Variants in B4GALT6 observed in about 807,000 individuals in gnomAD.
The protein encoded by B4GALT6 is beta-1,4-galactosyltransferase 6.
In B4GALT6, 14 loss-of-function variants were observed where a neutral mutation model predicts 46.3. The observed-to-expected ratio is 0.30, with a 90% CI of 0.20 to 0.47. B4GALT6 has a LOEUF of 0.47. B4GALT6 is among the 20% of genes least tolerant of loss of function. The probability of loss-of-function intolerance (pLI) is 0.99; values close to 1 mark genes in which losing one functional copy is unlikely to be tolerated. For synonymous variants in B4GALT6, 168 were observed against 162.0 expected, an observed-to-expected ratio of 1.04 and a Z score of -0.28; for missense variants, 386 against 480.1, an observed-to-expected ratio of 0.80 and a Z score of 1.83.
At position 31,638,715 on chromosome 18, in the gene B4GALT6, T is replaced by C. The variant is rs368163743; in HGVS notation, c.517A>G (p.Ile173Val). 84 of 1,613,772 alleles carry C rather than the reference T, an allele frequency of 5.2e-5. 1 individual carries two copies. Among genetic ancestry groups the C allele is most frequent in the South Asian group, 3.8e-4 (35 of 91,078 alleles). The change falls in exon 5 of 9, where the codon ATT becomes GTT. Residue 173 changes from isoleucine (I) to valine (V), a missense_variant. Transcript: ENST00000306851. The part of the protein sequence containing the change: ...PFRNRHEHLP[I>V]FFLHLIPMLQ... ...ATTGGAATCAGATGTAAGAAAAAAA[T>C]TGGAAGATGTTCATGGCGATTACGG... is the stretch of plus-strand genomic sequence containing the variant.
chr18:31,692,724 A>C, the B4GALT6 span, among the ~76,000 whole-genome samples: 2 of 152,232 alleles, frequency 1.3e-5, no homozygotes, highest in African/African-American at 4.8e-5. Flanking sequence ...GGTAAAAGTA[A>C]GGGAAAGAAA....
At chr18:31,693,925 G>C in the B4GALT6 span, among the ~76,000 whole-genome samples, 1 of 152,142 alleles carries the variant, frequency 6.6e-6, no homozygotes, top group African/African-American at 2.4e-5. Context: ...CCATGATCAT[G>C]CCACTCCAGC....
intron 6 of B4GALT6, among the ~76,000 whole-genome samples, chr18:31,630,040 AAGGAAG>A (rs936620443): frequency 7.6e-5 from 10 of 131,222 alleles, no homozygotes; most frequent in Admixed American, 5.5e-4. Flanking sequence ...GGAAGGAAGG[AAGGAAG>A]AGGAAGAAGG....
intron 5 of B4GALT6, among the ~76,000 whole-genome samples, chr18:31,637,525 T>C (rs969616523): frequency 6.6e-6 from 1 of 151,694 alleles, no homozygotes; most frequent in Admixed American, 6.6e-5. Context: ...AATGAAAAAC[T>C]GAAAACAGGA....
chr18:31,723,639 G>A, the B4GALT6 span, among the ~76,000 whole-genome samples: 2 of 152,168 alleles, frequency 1.3e-5, no homozygotes, highest in African/African-American at 2.4e-5. Context: ...TGGAGTCCTC[G>A]TTTATTCCCC....
intron 4 of B4GALT6, among the ~76,000 whole-genome samples, chr18:31,643,844 G>T (rs2073958926): frequency 6.6e-6 from 1 of 152,128 alleles, no homozygotes; most frequent in African/African-American, 2.4e-5. Flanking sequence ...GCACACCTGA[G>T]GGGTGTGCTA....
intron 3 of B4GALT6, among the ~76,000 whole-genome samples, chr18:31,652,571 T>C (rs1295565300): frequency 6.6e-6 from 1 of 152,292 alleles, no homozygotes; most frequent in East Asian, 1.9e-4. Context: ...CCGGATCTCT[T>C]ACTAAAGGCA....
intron 3 of B4GALT6, among the ~76,000 whole-genome samples, chr18:31,649,857 C>T (rs544714677): frequency 6.6e-6 from 1 of 152,266 alleles, no homozygotes; most frequent in South Asian, 2.1e-4. Context: ...GGAGATTTCT[C>T]AAAAAACATA....
intron 1 of B4GALT6, among the ~76,000 whole-genome samples, chr18:31,667,309 GA>G (rs1437237038): frequency 6.6e-6 from 1 of 152,164 alleles, no homozygotes. Context: ...ACTCCATTCA[GA>G]TGAGAGGCAG....
chr18:31,650,892 G>A (rs914525890), intron 3 of B4GALT6, among the ~76,000 whole-genome samples: 4 of 152,000 alleles, frequency 2.6e-5, no homozygotes, highest in Non-Finnish European at 5.9e-5. Context: ...CCTCACCCCC[G>A]AGTAGCTGGG....
intron 3 of B4GALT6, among the ~76,000 whole-genome samples, chr18:31,653,142 C>G (rs549946496): frequency 6.6e-6 from 1 of 151,950 alleles, no homozygotes; most frequent in Non-Finnish European, 1.5e-5. Context: ...CTCTGAAGCT[C>G]ACCTCATGGA....
intron 4 of B4GALT6, among the ~76,000 whole-genome samples, chr18:31,642,498 G>A (rs1423406599): frequency 1.3e-5 from 2 of 152,174 alleles, no homozygotes; most frequent in Non-Finnish European, 2.9e-5. Context: ...GGAAGTTATA[G>A]ACCAAAGTTG....
At chr18:31,720,808 C>T in the B4GALT6 span, among the ~76,000 whole-genome samples, 1 of 152,166 alleles carries the variant, frequency 6.6e-6, no homozygotes, top group African/African-American at 2.4e-5. Context: ...AGAAAGAGAC[C>T]CTTCAAAGAT....
At chr18:31,711,166 G>A in the B4GALT6 span, among the ~76,000 whole-genome samples, 5 of 152,156 alleles carry the variant, frequency 3.3e-5, no homozygotes, top group African/African-American at 4.8e-5. Flanking sequence ...GGCATGTCAC[G>A]AGCAGTGGTT....
At chr18:31,667,832 G>A (rs572335895) in intron 1 of B4GALT6, among the ~76,000 whole-genome samples, 2 of 152,258 alleles carry the variant, frequency 1.3e-5, no homozygotes, top group South Asian at 2.1e-4. Flanking sequence ...TTAAAAGAAT[G>A]AAGACTCACG....
chr18:31,714,469 T>A, the B4GALT6 span, among the ~76,000 whole-genome samples: 1 of 152,186 alleles, frequency 6.6e-6, no homozygotes, highest in African/African-American at 2.4e-5. Flanking sequence ...CAGGTGGGGA[T>A]GCACAGATGG....
the B4GALT6 span, among the ~76,000 whole-genome samples, chr18:31,697,607 T>C: frequency 6.6e-6 from 1 of 152,202 alleles, no homozygotes; most frequent in Non-Finnish European, 1.5e-5. Flanking sequence ...ATCCTTGCTT[T>C]AAAGTTAAAC....
intron 6 of B4GALT6, among the ~76,000 whole-genome samples, 173 bp downstream of exon 6, chr18:31,630,786 G>T (rs960436369): frequency 6.6e-6 from 1 of 152,082 alleles, no homozygotes; most frequent in Non-Finnish European, 1.5e-5. Context: ...GCACCCAGGG[G>T]AACGAAAAGC....
Position 31,674,473 on chromosome 18 carries a change from C to T in B4GALT6, c.116-8101G>A, listed in dbSNP as rs78936375. On this transcript the variant is annotated intron_variant, in intron 1 of 8. Coordinates refer to ENST00000306851, the MANE Select transcript of B4GALT6 (RefSeq NM_004775.5). Reference sequence around the variant, plus strand: ...AAGTTACAGAAGAGAAAATGATTTCCCATATTATCTACGGAACACTGGAAA... The same window carrying T: ...AAGTTACAGAAGAGAAAATGATTTCTCATATTATCTACGGAACACTGGAAA... Among the ~76,000 whole-genome samples the T allele has an allele frequency of 1.6e-3, 236 of 152,248 alleles. 4 individuals carry two copies. In the East Asian group the frequency reaches 0.025, roughly 16 times the overall value.
Sources: allele counts gnomAD v4.1 joint callset (sites outside exome capture counted in the v4.1 genomes callset), GRCh38; gene constraint gnomAD v4.1.1; transcripts MANE v1.5; gene names NCBI Gene and HGNC (gene_info 2026-07-23, HGNC 2026-07-21).